Variants in LRP1B observed in about 807,000 individuals in gnomAD.
LRP1B encodes the protein low-density lipoprotein receptor-related protein 1B.
In LRP1B, 217 loss-of-function variants were observed where a neutral mutation model predicts 556.6. The observed-to-expected ratio is 0.39, with a 90% CI of 0.35 to 0.44. LRP1B has a LOEUF of 0.44. Among genes scored for constraint, LRP1B ranks in the 20% least tolerant of loss-of-function variants. LRP1B has a pLI of 1.00. For missense variants in LRP1B, 5,053 were observed against 5,620.8 expected (o/e 0.90, Z 3.23); for synonymous variants, 2,047 against 1,865.8 (o/e 1.10, Z -2.50).
At chr2:141,923,811 C>G (rs994396414) in intron 1 of LRP1B, among the ~76,000 whole-genome samples, 1 of 151,796 alleles carries the variant, frequency 6.6e-6, no homozygotes, top group Admixed American at 6.6e-5. Context: ...CATTTCTTTC[C>G]CTTTCCCTGG....
At chr2:141,416,447 T>C (rs919244096) in intron 3 of LRP1B, among the ~76,000 whole-genome samples, 1 of 31,688 alleles carries the variant, frequency 3.2e-5, no homozygotes, top group African/African-American at 7.8e-5. Flanking sequence ...TTGACAGCCA[T>C]TTTTTTTTTT....
At chr2:140,559,926 A>G (rs1445016094) in intron 43 of LRP1B, among the ~76,000 whole-genome samples, 1 of 152,292 alleles carries the variant, frequency 6.6e-6, no homozygotes, top group South Asian at 2.1e-4. Context: ...TGCTAAAATT[A>G]GTGGGCTAAG....
chr2:141,957,396 G>A (rs1244366519), intron 1 of LRP1B, among the ~76,000 whole-genome samples: 1 of 100,892 alleles, frequency 9.9e-6, no homozygotes, highest in Non-Finnish European at 1.9e-5. Flanking sequence ...GGGGGGGGGG[G>A]CGGGGGGGTG....
intron 2 of LRP1B, among the ~76,000 whole-genome samples, chr2:141,623,477 G>T (rs368448777): frequency 6.6e-6 from 1 of 152,014 alleles, no homozygotes; most frequent in African/African-American, 2.4e-5. Flanking sequence ...TTTCTTAAAC[G>T]CTGCCTTTAT....
intron 3 of LRP1B, among the ~76,000 whole-genome samples, chr2:141,284,572 G>T (rs950427317): frequency 6.6e-6 from 1 of 152,152 alleles, no homozygotes; most frequent in African/African-American, 2.4e-5. Flanking sequence ...GTAGTTAAAA[G>T]ATTTCCTCTA....
intron 1 of LRP1B, among the ~76,000 whole-genome samples, chr2:142,055,027 T>C (rs1395576530): frequency 1.3e-5 from 2 of 152,172 alleles, no homozygotes; most frequent in Non-Finnish European, 2.9e-5. Flanking sequence ...ACATCATTCA[T>C]TCCGTCTTTG....
chr2:141,125,137 T>C (rs1479926625), intron 7 of LRP1B, among the ~76,000 whole-genome samples: 2 of 152,182 alleles, frequency 1.3e-5, no homozygotes, highest in Non-Finnish European at 2.9e-5. Context: ...GAACCATATA[T>C]AACATTTGGA....
intron 66 of LRP1B, among the ~76,000 whole-genome samples, chr2:140,436,935 T>C (rs184461995): frequency 5.5e-4 from 84 of 152,244 alleles, no homozygotes; most frequent in Non-Finnish European, 9.8e-4. Flanking sequence ...TCAGGAGTTA[T>C]TTTGTGATAT....
At chr2:140,659,773 A>T (rs964868421) in intron 41 of LRP1B, among the ~76,000 whole-genome samples, 1 of 152,130 alleles carries the variant, frequency 6.6e-6, no homozygotes, top group Non-Finnish European at 1.5e-5. Flanking sequence ...GATCAAAGCC[A>T]AAAACAAAAC....
At chr2:140,463,428 C>A (rs1687406035) in intron 60 of LRP1B, among the ~76,000 whole-genome samples, 1 of 152,146 alleles carries the variant, frequency 6.6e-6, no homozygotes, top group Non-Finnish European at 1.5e-5. Flanking sequence ...TTCCTGAAAC[C>A]TACAACGAGC....
chr2:141,155,406 T>C (rs527318614), intron 7 of LRP1B, among the ~76,000 whole-genome samples: 13 of 151,950 alleles, frequency 8.6e-5, no homozygotes, highest in Non-Finnish European at 1.6e-4. Flanking sequence ...ACATGAAATA[T>C]ACTATTTTTC....
In LRP1B at chr2:141,944,310, G is replaced by A. The variant is rs113733237; in HGVS notation, c.83-133909C>T. Among the ~76,000 whole-genome samples, 489 of 152,312 alleles carry A rather than the reference G, an allele frequency of 3.2e-3. 2 individuals are homozygous for A. Among genetic ancestry groups the A allele is most frequent in the African/African-American group, 0.011 (471 of 41,576 alleles). ...GACAGGAAACGCTCCGTGTTGGAAT[G>A]CTACTGAAAAGATATAATACTGGTT... On this transcript the variant is annotated intron_variant, in intron 1 of 90. Transcript: ENST00000389484.
At chr2:141,797,244 G>A (rs1278992067) in intron 2 of LRP1B, among the ~76,000 whole-genome samples, 2 of 142,976 alleles carry the variant, frequency 1.4e-5, no homozygotes, top group African/African-American at 5.2e-5. Context: ...AACTGCCTAT[G>A]GACTTATTTT....
chr2:141,310,993 C>CT (rs1381221183), intron 3 of LRP1B, among the ~76,000 whole-genome samples: 1 of 152,082 alleles, frequency 6.6e-6, no homozygotes, highest in African/African-American at 2.4e-5. Flanking sequence ...CTTGGTCATC[C>CT]TTTTTCTGAT....
chr2:140,638,368 T>G (rs1684149591), intron 41 of LRP1B, among the ~76,000 whole-genome samples: 1 of 152,092 alleles, frequency 6.6e-6, no homozygotes, highest in South Asian at 2.1e-4. Context: ...TACCCCCAAT[T>G]TAAAAAAGAC....
In LRP1B at chr2:140,447,208, G is replaced by C. The variant is rs189518035; in HGVS notation, c.10058-2529C>G. Among the ~76,000 whole-genome samples the C allele has an allele frequency of 3.2e-4, 49 of 152,116 alleles. 2 individuals are homozygous for C. In the East Asian group the frequency reaches 3.7e-3, roughly 11 times the overall value. On this transcript the variant is annotated intron_variant, in intron 63 of 90. Coordinates refer to ENST00000389484, the MANE Select transcript of LRP1B (RefSeq NM_018557.3). Reference sequence around the variant, plus strand: ...AAAAGAAAACTCTTGTATTTCATTGGTAGAAATGTAAATTAGTACAGCTAT... The same window carrying C: ...AAAAGAAAACTCTTGTATTTCATTGCTAGAAATGTAAATTAGTACAGCTAT...
chr2:141,154,736 T>C (rs1372893556), intron 7 of LRP1B, among the ~76,000 whole-genome samples: 2 of 151,950 alleles, frequency 1.3e-5, no homozygotes, highest in East Asian at 1.9e-4. Flanking sequence ...TTCTGAATTT[T>C]CACTAATTCT....
chr2:141,962,309 T>G (rs1213162483), intron 1 of LRP1B, among the ~76,000 whole-genome samples: 1 of 151,722 alleles, frequency 6.6e-6, no homozygotes, highest in Non-Finnish European at 1.5e-5. Flanking sequence ...GAAAAATAAG[T>G]CAAGATGCAG....
At chr2:141,865,591 C>CAAA (rs78227528) in intron 1 of LRP1B, among the ~76,000 whole-genome samples, 2 of 43,278 alleles carry the variant, frequency 4.6e-5, no homozygotes, top group Admixed American at 2.8e-4. Context: ...GACTCCGTCT[C>CAAA]AAAAAAAAAA....
Sources: allele counts gnomAD v4.1 joint callset (sites outside exome capture counted in the v4.1 genomes callset), GRCh38; gene constraint gnomAD v4.1.1; transcripts MANE v1.5; gene names NCBI Gene and HGNC (gene_info 2026-07-23, HGNC 2026-07-21).